CA5A: variants seen among roughly 807,000 people sequenced by gnomAD.
CA5A encodes the protein carbonic anhydrase 5A, also known as carbonic anhydrase 5A, mitochondrial.
A neutral mutation model predicts 37.1 loss-of-function variants in CA5A; 28 were observed. The observed-to-expected ratio is 0.75, with a 90% CI of 0.56 to 1.03. The LOEUF (loss-of-function observed/expected upper bound fraction) is 1.03. Ranked by LOEUF, CA5A falls within the 50% of genes least tolerant of loss-of-function variation. CA5A has a pLI of 0.00. For missense variants in CA5A, 444 were observed against 399.9 expected, an observed-to-expected ratio of 1.11 and a Z score of -0.94; for synonymous variants, 171 against 158.4, an observed-to-expected ratio of 1.08 and a Z score of -0.60.
chr16:87,925,034 A>G (rs1465018135), intron 2 of CA5A, among the ~76,000 whole-genome samples: 1 of 152,224 alleles, frequency 6.6e-6, no homozygotes, highest in Non-Finnish European at 1.5e-5. Context: ...GGCCTGGCGC[A>G]TAAAATATCA....
At position 87,901,934 on chromosome 16, in the gene CA5A, A is replaced by G. The variant is rs776492248; in HGVS notation, c.596T>C (p.Ile199Thr). 3.1e-6 allele frequency: 5 copies of G among 1,613,544 alleles called. No homozygotes were observed. In the Admixed American group the frequency reaches 5.0e-5, roughly 16 times the overall value. Residue 199 changes from isoleucine to threonine, a missense_variant, in exon 5 of 7, where the codon ATC becomes ACC. Physicochemically the swap from Ile to Thr is moderately conservative, Grantham distance 89. Transcript: ENST00000649794. ...HHQTLQRLVDILPEIKHKDAR... is the reference protein window; with the variant it reads ...HHQTLQRLVDTLPEIKHKDAR... ...TACCTTATGTTTTATTTCCGGCAAG[A>G]TGTCCACCAGCCTCTGCAGCGTCTG...
In CA5A at chr16:87,896,993, C is replaced by T. The variant is rs185287768; in HGVS notation, c.618+4919G>A. 2.2e-3 allele frequency among the ~76,000 whole-genome samples: 330 copies of T among 152,356 alleles called. 3 individuals carry two copies. Among genetic ancestry groups the T allele is most frequent in the African/African-American group, 7.6e-3 (315 of 41,590 alleles). ...CCCCACATTTTATGAGCGTCAAGCCCCACCCAGCCTAACTCCGCCCTTGCT... is the reference window on the plus strand; with the variant it reads ...CCCCACATTTTATGAGCGTCAAGCCTCACCCAGCCTAACTCCGCCCTTGCT... On this transcript the variant is annotated intron_variant, in intron 5 of 6. Coordinates refer to ENST00000649794, the MANE Select transcript of CA5A (RefSeq NM_001739.2).
At chr16:87,918,678 C>A (rs1255762548) in intron 2 of CA5A, among the ~76,000 whole-genome samples, 2 of 152,230 alleles carry the variant, frequency 1.3e-5, no homozygotes, top group African/African-American at 4.8e-5. Flanking sequence ...CCTTCCCTTT[C>A]TCTTATGGGC....
intron 2 of CA5A, among the ~76,000 whole-genome samples, chr16:87,915,679 A>T (rs1248077936): frequency 1.5e-4 from 19 of 129,896 alleles, no homozygotes; most frequent in Admixed American, 1.1e-3. Flanking sequence ...ACAGAGCAAG[A>T]TCCTGTCTCC....
chr16:87,927,431 C>A (rs1449480983), intron 1 of CA5A, among the ~76,000 whole-genome samples: 1 of 152,218 alleles, frequency 6.6e-6, no homozygotes, highest in Non-Finnish European at 1.5e-5. Flanking sequence ...GCCCAACTCT[C>A]CAAGCCCTCT....
At chr16:87,896,480 G>C (rs1567516980) in intron 5 of CA5A, among the ~76,000 whole-genome samples, 1 of 152,182 alleles carries the variant, frequency 6.6e-6, no homozygotes, top group South Asian at 2.1e-4. Flanking sequence ...TTATGCATGT[G>C]GTGATCCTCA....
intron 2 of CA5A, among the ~76,000 whole-genome samples, chr16:87,917,104 C>CAAAAA (rs762381468): frequency 1.2e-4 from 8 of 65,476 alleles, no homozygotes; most frequent in Non-Finnish European, 2.5e-4. Flanking sequence ...GAGTCTGTCT[C>CAAAAA]AAAAAAAAAA....
At chr16:87,905,215 T>C (rs1224924275) in intron 2 of CA5A, among the ~76,000 whole-genome samples, 1 of 152,116 alleles carries the variant, frequency 6.6e-6, no homozygotes, top group Non-Finnish European at 1.5e-5. Context: ...TAAAGAACGT[T>C]TCTGTGATGC....
intron 5 of CA5A, among the ~76,000 whole-genome samples, chr16:87,899,114 T>C (rs1199576488): frequency 6.6e-6 from 1 of 152,048 alleles, no homozygotes; most frequent in East Asian, 1.9e-4. Context: ...GTGGTGGATC[T>C]GGGCTCTGAA....
chr16:87,904,650 G>C (rs1403725795), intron 3 of CA5A, 136 bp downstream of exon 3: 2 of 609,966 alleles, frequency 3.3e-6, no homozygotes, highest in East Asian at 2.7e-5. Context: ...CGACGGTTCT[G>C]GTTTGAGCAC....
intron 5 of CA5A, 90 bp from the exon 6 acceptor site, chr16:87,892,044 T>C (rs999617635): frequency 2.4e-6 from 3 of 1,258,682 alleles, no homozygotes; most frequent in African/African-American, 3.2e-5. Flanking sequence ...TTCATGGTGC[T>C]TGGAAGGAAG....
intron 2 of CA5A, among the ~76,000 whole-genome samples, chr16:87,918,284 G>A (rs2056182842): frequency 6.6e-6 from 1 of 152,256 alleles, no homozygotes; most frequent in Non-Finnish European, 1.5e-5. Context: ...GAGCTGAGCT[G>A]TCTGTGGGGG....
intron 5 of CA5A, among the ~76,000 whole-genome samples, chr16:87,900,482 G>T (rs1183140575): frequency 6.6e-6 from 1 of 152,254 alleles, no homozygotes; most frequent in African/African-American, 2.4e-5. Context: ...CTCCACCATT[G>T]TTAACACAGG....
At chr16:87,923,650 G>T in intron 2 of CA5A, 7 of 985,422 alleles carry the variant, frequency 7.1e-6, no homozygotes, top group Non-Finnish European at 8.4e-6. Context: ...TCAGCTCAGG[G>T]TCAGCCACCA....
chr16:87,927,269 C>T (rs939736844), intron 1 of CA5A, among the ~76,000 whole-genome samples: 2 of 152,186 alleles, frequency 1.3e-5, no homozygotes, highest in Non-Finnish European at 2.9e-5. Flanking sequence ...CTGGATAGAC[C>T]TTGGGGAGGG....
intron 2 of CA5A, among the ~76,000 whole-genome samples, chr16:87,905,204 G>T (rs1340188321): frequency 6.6e-6 from 1 of 151,938 alleles, no homozygotes; most frequent in Non-Finnish European, 1.5e-5. Flanking sequence ...GCAGAAATCC[G>T]TAAAGAACGT....
At chr16:87,930,801 C>T (rs913922418) in intron 1 of CA5A, among the ~76,000 whole-genome samples, 1 of 150,684 alleles carries the variant, frequency 6.6e-6, no homozygotes, top group Non-Finnish European at 1.5e-5. Flanking sequence ...AGTGCAGTGA[C>T]GCGATCTCAG....
chr16:87,912,184 G>A (rs1055888346), intron 2 of CA5A, among the ~76,000 whole-genome samples: 4 of 152,076 alleles, frequency 2.6e-5, no homozygotes, highest in Non-Finnish European at 4.4e-5. Flanking sequence ...CGACTGTAGT[G>A]CCAGCTACTT....
intron 4 of CA5A, 71 bp downstream of exon 4, chr16:87,902,352 CAA>C (rs5818651): frequency 1.7e-3 from 1,289 of 773,604 alleles, no homozygotes; most frequent in Admixed American, 2.5e-3. Context: ...AGTCCTGTCT[CAA>C]AAAAAAAAAA....
Sources: gnomAD v4.1 joint callset for allele counts (sites outside exome capture counted in the v4.1 genomes callset) on GRCh38, gnomAD v4.1.1 for gene constraint, MANE v1.5 for transcripts, NCBI Gene and HGNC (gene_info 2026-07-23, HGNC 2026-07-21) for gene names.